Variants in RAD51B observed in about 807,000 individuals in gnomAD.
RAD51B encodes RAD51 paralog B, also known as DNA repair protein RAD51 homolog 2.
RAD51B carries 38 observed loss-of-function variants against 42.2 expected under a neutral mutation model. The ratio of observed to expected loss-of-function variants is 0.90; its 90% CI spans 0.70 to 1.18. The LOEUF (loss-of-function observed/expected upper bound fraction) is 1.18. RAD51B is among the 50% of genes most tolerant of loss of function. The probability of loss-of-function intolerance (pLI) is 0.00; values close to 1 mark genes in which losing one functional copy is unlikely to be tolerated. For synonymous variants in RAD51B, 154 were observed against 145.2 expected, an observed-to-expected ratio of 1.06 and a Z score of -0.43; for missense variants, 373 against 400.7, an observed-to-expected ratio of 0.93 and a Z score of 0.59.
In RAD51B at chr14:68,225,972, G is replaced by A. The variant is rs1207174953; in HGVS notation, c.757-65912G>A. On this transcript the variant is annotated intron_variant, in intron 7 of 10. Coordinates refer to ENST00000471583, the MANE Select transcript of RAD51B (RefSeq NM_133510.4). ...ATTCTATTCCTTTCGAGTGTTTTAA[G>A]GTAAATCTTGCTCAAAGATGTTGAC... Among the ~76,000 whole-genome samples, 25 of 152,162 alleles carry A rather than the reference G, an allele frequency of 1.6e-4. 1 individual carries two copies. Among genetic ancestry groups the A allele is most frequent in the Admixed American group, 1.6e-3 (25 of 15,268 alleles).
At chr14:68,016,649 A>G (rs2075782321) in intron 7 of RAD51B, among the ~76,000 whole-genome samples, 2 of 152,206 alleles carry the variant, frequency 1.3e-5, no homozygotes, top group African/African-American at 2.4e-5. Context: ...GTACAAGCCA[A>G]CTCACATACA....
intron 7 of RAD51B, among the ~76,000 whole-genome samples, chr14:68,147,985 C>T (rs749955495): frequency 6.6e-6 from 1 of 152,072 alleles, no homozygotes; most frequent in Non-Finnish European, 1.5e-5. Flanking sequence ...TGTCTCTTAC[C>T]CTTCCTTACC....
intron 7 of RAD51B, among the ~76,000 whole-genome samples, chr14:67,949,852 A>G (rs2074409853): frequency 6.6e-6 from 1 of 152,204 alleles, no homozygotes; most frequent in Non-Finnish European, 1.5e-5. Flanking sequence ...CATCTCCAGC[A>G]GAGCTCTTGG....
At chr14:67,851,677 G>A (rs36097277) in intron 4 of RAD51B, among the ~76,000 whole-genome samples, 42 of 152,148 alleles carry the variant, frequency 2.8e-4, no homozygotes, top group African/African-American at 6.3e-4. Flanking sequence ...AAGAGGGAAT[G>A]GGGAGCAGGT....
intron 7 of RAD51B, among the ~76,000 whole-genome samples, chr14:67,971,356 G>A (rs1207378283): frequency 6.6e-6 from 1 of 151,856 alleles, no homozygotes; most frequent in African/African-American, 2.4e-5. Context: ...TTGGAATATG[G>A]CTTTGCAGAT....
chr14:68,583,263 C>T (rs975899731), intron 10 of RAD51B, among the ~76,000 whole-genome samples: 3 of 152,126 alleles, frequency 2.0e-5, no homozygotes, highest in South Asian at 2.1e-4. Flanking sequence ...TTGTCTACAG[C>T]GCCTGCAGAC....
At chr14:67,820,764 T>G (rs2040599468) in intron 1 of RAD51B, among the ~76,000 whole-genome samples, 1 of 152,120 alleles carries the variant, frequency 6.6e-6, no homozygotes, top group Non-Finnish European at 1.5e-5. Context: ...TGAGAGTCAT[T>G]AAATGATGAT....
intron 10 of RAD51B, among the ~76,000 whole-genome samples, chr14:68,564,344 T>C (rs1253397220): frequency 6.6e-6 from 1 of 152,174 alleles, no homozygotes; most frequent in African/African-American, 2.4e-5. Flanking sequence ...GCTTGGCTGG[T>C]CTCCTTTTGG....
intron 7 of RAD51B, among the ~76,000 whole-genome samples, chr14:67,948,338 A>G (rs1566973286): frequency 6.6e-6 from 1 of 152,198 alleles, no homozygotes; most frequent in African/African-American, 2.4e-5. Flanking sequence ...TTTCCTACAA[A>G]TATACAGTGA....
intron 7 of RAD51B, among the ~76,000 whole-genome samples, chr14:67,975,257 A>C (rs2074971391): frequency 6.6e-6 from 1 of 152,180 alleles, no homozygotes; most frequent in South Asian, 2.1e-4. Flanking sequence ...AATGGGCTCC[A>C]CCATCTTCTT....
At chr14:68,150,344 A>G (rs1459463467) in intron 7 of RAD51B, among the ~76,000 whole-genome samples, 3 of 152,232 alleles carry the variant, frequency 2.0e-5, no homozygotes, top group Non-Finnish European at 2.9e-5. Context: ...GTCCATATCC[A>G]TAAAGTAACT....
chr14:68,613,259 T>A (rs1891740228), downstream of RAD51B, among the ~76,000 whole-genome samples: 1 of 151,628 alleles, frequency 6.6e-6, no homozygotes. Context: ...ATACTAATAA[T>A]ACAAAACAAT....
At chr14:68,633,278 T>A (rs1394988302) in intron 10 of RAD51B, among the ~76,000 whole-genome samples, 6 of 152,124 alleles carry the variant, frequency 3.9e-5, no homozygotes, top group Non-Finnish European at 8.8e-5. Flanking sequence ...CTGATTCTTT[T>A]CCTGTGAGGC....
At chr14:68,410,378 G>A (rs974737100) in intron 8 of RAD51B, among the ~76,000 whole-genome samples, 3 of 152,222 alleles carry the variant, frequency 2.0e-5, no homozygotes, top group Non-Finnish European at 2.9e-5. Flanking sequence ...GACAACGGAT[G>A]ACACATTCAA....
intron 9 of RAD51B, among the ~76,000 whole-genome samples, chr14:68,461,337 A>G (rs1027497054): frequency 0.024 from 38 of 1,578 alleles, no homozygotes; most frequent in African/African-American, 0.11. Context: ...CCATGCAGGG[A>G]AAAAAAAAAA....
At chr14:67,988,939 A>G (rs1308977421) in intron 7 of RAD51B, among the ~76,000 whole-genome samples, 2 of 152,238 alleles carry the variant, frequency 1.3e-5, no homozygotes, top group African/African-American at 4.8e-5. Context: ...GTTTTGTTTA[A>G]GAGAAAACTA....
At chr14:68,267,303 A>G (rs1013142420) in intron 7 of RAD51B, among the ~76,000 whole-genome samples, 9 of 152,226 alleles carry the variant, frequency 5.9e-5, no homozygotes, top group African/African-American at 2.2e-4. Context: ...CAGATATTAA[A>G]AACATACCTC....
chr14:68,483,018 G>A (rs753213836), downstream of RAD51B, among the ~76,000 whole-genome samples: 7 of 151,842 alleles, frequency 4.6e-5, no homozygotes, highest in Non-Finnish European at 8.8e-5. Flanking sequence ...CCACAGTAGG[G>A]GAAGGGAAAG....
At chr14:68,288,068 G>T (rs1199909939) in intron 7 of RAD51B, among the ~76,000 whole-genome samples, 5 of 152,156 alleles carry the variant, frequency 3.3e-5, no homozygotes, top group African/African-American at 7.2e-5. Context: ...TCTTTCCCAT[G>T]GAGCAAAGCA....
Sources: gnomAD v4.1 joint callset for allele counts (sites outside exome capture counted in the v4.1 genomes callset) on GRCh38, gnomAD v4.1.1 for gene constraint, MANE v1.5 for transcripts, NCBI Gene and HGNC (gene_info 2026-07-23, HGNC 2026-07-21) for gene names.